The following SASS6 variants were observed in gnomAD, a reference collection of about 807,000 sequenced individuals.
SASS6 encodes SAS-6 centriolar assembly protein.
A neutral mutation model predicts 94.9 loss-of-function variants in SASS6; 59 were observed. The ratio of observed to expected loss-of-function variants is 0.62; its 90% CI spans 0.50 to 0.77. SASS6 has a LOEUF of 0.77. Ranked by LOEUF, SASS6 falls within the 30% of genes least tolerant of loss-of-function variation. The probability of loss-of-function intolerance (pLI) is 0.00; values close to 1 mark genes in which losing one functional copy is unlikely to be tolerated. For synonymous variants in SASS6, 264 were observed against 270.0 expected (o/e 0.98, Z 0.22); for missense variants, 698 against 734.1 (o/e 0.95, Z 0.57).
intron 14 of SASS6, among the ~76,000 whole-genome samples, chr1:100,094,688 G>A (rs573988698): frequency 6.6e-5 from 10 of 152,012 alleles, no homozygotes; most frequent in East Asian, 3.9e-4. Context: ...CCAACAGGGC[G>A]AAACCGTGTC....
At chr1:100,100,083 T>C (rs569027891) in intron 14 of SASS6, among the ~76,000 whole-genome samples, 1 of 152,160 alleles carries the variant, frequency 6.6e-6, no homozygotes, top group South Asian at 2.1e-4. Context: ...CTGACCAACA[T>C]GGTGAAACCC....
At chr1:100,131,632 G>A (rs1655038461) in intron 1 of SASS6, among the ~76,000 whole-genome samples, 1 of 152,128 alleles carries the variant, frequency 6.6e-6, no homozygotes, top group Non-Finnish European at 1.5e-5. Context: ...AGCATTAAAA[G>A]AATGATCAAC....
At chr1:100,114,793 G>A (rs973743881) in intron 7 of SASS6, among the ~76,000 whole-genome samples, 13 of 151,856 alleles carry the variant, frequency 8.6e-5, no homozygotes, top group Admixed American at 4.6e-4. Context: ...ATTAAAAATC[G>A]CTATGACTAT....
At chr1:100,089,594 T>C (rs1446285642) in intron 14 of SASS6, among the ~76,000 whole-genome samples, 1 of 152,064 alleles carries the variant, frequency 6.6e-6, no homozygotes, top group Non-Finnish European at 1.5e-5. Flanking sequence ...AACAACGGAA[T>C]AACATCTTCA....
chr1:100,127,364 G>A (rs1327109485), intron 1 of SASS6, among the ~76,000 whole-genome samples: 2 of 152,184 alleles, frequency 1.3e-5, no homozygotes, highest in Non-Finnish European at 2.9e-5. Flanking sequence ...ATTGAGTACT[G>A]ATAGGAAAAC....
intron 13 of SASS6, among the ~76,000 whole-genome samples, chr1:100,105,019 T>A (rs967429474): frequency 7.2e-5 from 11 of 152,146 alleles, no homozygotes; most frequent in Admixed American, 3.9e-4. Flanking sequence ...TCTTGTAGAA[T>A]CTAAAGGTGA....
chr1:100,121,419 C>G lies in SASS6; in HGVS notation c.442G>C (p.Glu148Gln). Residue 148 changes from glutamate (E) to glutamine (Q), a missense_variant, in exon 5 of 17, where the codon GAG (glutamate) becomes CAG (glutamine). Glu to Gln is a conservative substitution (Grantham distance 29, BLOSUM62 2). Transcript: ENST00000287482. ...SLKLLPGNDV[E>Q]IKKFLAGCLK... is the part of the protein sequence containing the mutation. ...CAGCCTGCGAGAAATTTCTTTATCTCCACATCATTTCCAGGTAAAAGTTTT... is the reference window on the plus strand; with the variant it reads ...CAGCCTGCGAGAAATTTCTTTATCTGCACATCATTTCCAGGTAAAAGTTTT... The G allele has an allele frequency of 6.3e-7, 1 of 1,592,882 alleles. No individual in the cohort carries two copies. Among genetic ancestry groups the G allele is most frequent in the Non-Finnish European group, 8.5e-7 (1 of 1,173,032 alleles).
chr1:100,086,133 CTG>C (rs1303575590), intron 15 of SASS6, among the ~76,000 whole-genome samples: 1 of 143,638 alleles, frequency 7.0e-6, no homozygotes, highest in Non-Finnish European at 1.5e-5. Flanking sequence ...AAGGGCATTT[CTG>C]TGTTTCCCCT....
intron 7 of SASS6, among the ~76,000 whole-genome samples, chr1:100,113,969 TG>T (rs1258616582): frequency 2.0e-5 from 3 of 152,036 alleles, no homozygotes; most frequent in Non-Finnish European, 4.4e-5. Flanking sequence ...GAGTCCAGCC[TG>T]GGCAACATAG....
intron 14 of SASS6, 54 bp from the exon 15 acceptor site, chr1:100,088,290 T>C: frequency 2.3e-6 from 2 of 872,818 alleles, no homozygotes; most frequent in Non-Finnish European, 3.9e-6. Flanking sequence ...GTAGACAGTT[T>C]TGGGCAGAGG....
In SASS6 at chr1:100,083,619, A is replaced by ACAT. The variant is rs1650998090; in HGVS notation, c.*1706_*1708dup. Reference sequence around the variant, plus strand: ...ACAAAGCTCAAAGTTTACAGAAATAACATTAAATGCAACACTTTTTGATTA... The same window carrying ACAT: ...ACAAAGCTCAAAGTTTACAGAAATAACATCATTAAATGCAACACTTTTTGATTA... On this transcript the variant is annotated 3_prime_UTR_variant, in exon 17 of 17. Transcript: ENST00000287482. 1.3e-5 allele frequency: 2 copies of ACAT among 152,122 alleles called. No individual in the cohort carries two copies. Among genetic ancestry groups the ACAT allele is most frequent in the South Asian group, 4.1e-4 (2 of 4,832 alleles). 9.4% of individuals were successfully genotyped at this position (152,122 alleles called of 1,614,324 possible).
rs146733205 is a variant in SASS6 at position 100,125,972 on chromosome 1, A to G, written c.66-30T>C. On this transcript the variant is annotated intron_variant, in intron 1 of 16. Transcript: ENST00000287482. Reference sequence around the variant, plus strand: ...AGGAAAAGACATACCCAACCATCAGAAACATTCACACGAAATGAGTTATCA... The same window carrying G: ...AGGAAAAGACATACCCAACCATCAGGAACATTCACACGAAATGAGTTATCA... The G allele has an allele frequency of 9.6e-5, 113 of 1,180,270 alleles. No individual in the cohort carries two copies. The East Asian group carries it at 1.7e-3, about 18-fold the overall frequency. The allele number at this position is 1,180,270 out of a possible 1,614,324, so 73.1% of individuals were successfully genotyped here.
intron 14 of SASS6, among the ~76,000 whole-genome samples, chr1:100,096,984 G>A (rs534787964): frequency 4.3e-4 from 65 of 152,220 alleles, no homozygotes; most frequent in East Asian, 2.5e-3. Context: ...ACGTGGTGGC[G>A]TGCACTTGTA....
intron 1 of SASS6, among the ~76,000 whole-genome samples, chr1:100,132,365 G>T (rs879488394): frequency 6.6e-6 from 1 of 152,110 alleles, no homozygotes; most frequent in Non-Finnish European, 1.5e-5. Context: ...CGGAGCCAAG[G>T]CCTGAGTTCT....
At position 100,085,262 on chromosome 1, in the gene SASS6, G is replaced by A; in HGVS notation, c.*66C>T. On this transcript the variant is annotated 3_prime_UTR_variant, in exon 17 of 17. Coordinates refer to ENST00000287482, the MANE Select transcript of SASS6 (RefSeq NM_194292.3). Reference sequence around the variant, plus strand: ...CTTGCTATTTGAGGATCTGGTTTGTGTTGACATATTTTTTAAGCACCTGAG... The same window carrying A: ...CTTGCTATTTGAGGATCTGGTTTGTATTGACATATTTTTTAAGCACCTGAG... The A allele has an allele frequency of 3.1e-6, 3 of 980,822 alleles. No individual in the cohort carries two copies. The highest frequency in any genetic ancestry group is 1.3e-5 in the South Asian group (1 of 77,912). 60.8% of individuals were successfully genotyped at this position (980,822 alleles called of 1,614,324 possible). A position where few individuals can be genotyped will look rare whatever the true frequency, so the allele number is the denominator to read the frequency against.
chr1:100,124,033 G>A (rs1287069433), intron 2 of SASS6, among the ~76,000 whole-genome samples: 1 of 152,114 alleles, frequency 6.6e-6, no homozygotes, highest in African/African-American at 2.4e-5. Context: ...ATAAAGAACT[G>A]GGCATTAAGG....
chr1:100,120,506 T>C, intron 5 of SASS6, 47 bp from the exon 6 acceptor site: 1 of 851,930 alleles, frequency 1.2e-6, no homozygotes. Context: ...TGTAATCATC[T>C]ATAGCCATGC....
intron 15 of SASS6, among the ~76,000 whole-genome samples, chr1:100,087,249 T>A (rs1353176909): frequency 6.6e-6 from 1 of 152,320 alleles, no homozygotes. Context: ...TCCCAAAGTG[T>A]TGGGATTACA....
rs1457044504 is a variant in SASS6 at position 100,120,304 on chromosome 1, A to G, written c.549+90T>C. 1.8e-5 allele frequency: 12 copies of G among 678,184 alleles called. No homozygotes were observed. In the East Asian group the frequency reaches 3.1e-4, roughly 18 times the overall value. 42.0% of individuals were successfully genotyped at this position (678,184 alleles called of 1,614,324 possible). A position where few individuals can be genotyped will look rare whatever the true frequency, so the allele number is the denominator to read the frequency against. The stretch of plus-strand genomic sequence containing the variant: ...ATTCAACGGAAGCATGCTTTGAAAG[A>G]AAATACATAAAAGCTTGGAACTGAG... On this transcript the variant is annotated intron_variant, in intron 6 of 16. Transcript: ENST00000287482.
Sources: allele counts gnomAD v4.1 joint callset (sites outside exome capture counted in the v4.1 genomes callset), GRCh38; gene constraint gnomAD v4.1.1; transcripts MANE v1.5; gene names NCBI Gene and HGNC (gene_info 2026-07-23, HGNC 2026-07-21).